ENG: variants seen among roughly 807,000 people sequenced by gnomAD.
The protein encoded by ENG is endoglin.
In ENG, 17 loss-of-function variants were observed where a neutral mutation model predicts 71.0. The ratio of observed to expected loss-of-function variants is 0.24; its 90% CI spans 0.16 to 0.36. The LOEUF is 0.36. ENG is among the 10% of genes least tolerant of loss of function. The pLI, the probability that ENG is intolerant of heterozygous loss-of-function variation, is 1.00. For missense variants in ENG, 749 were observed against 868.3 expected, an observed-to-expected ratio of 0.86 and a Z score of 1.73; for synonymous variants, 360 against 366.9, an observed-to-expected ratio of 0.98 and a Z score of 0.21.
Position 127,819,366 on chromosome 9 carries a change from C to T in ENG, c.1311+256G>A, listed in dbSNP as rs1279123118. On this transcript the variant is annotated intron_variant, in intron 10 of 14. Transcript: ENST00000373203. ...GGCGCAGAGTCCTTTCTTAGGCCAC[C>T]TTTGGGCCCAGAAAACTAAAGTGAC... The T allele has an allele frequency of 4.0e-5, 21 of 520,104 alleles. No homozygotes were observed. In the East Asian group the frequency reaches 7.1e-4, roughly 18 times the overall value. The allele number at this position is 520,104 out of a possible 1,614,324, so 32.2% of individuals were successfully genotyped here. A position where few individuals can be genotyped will look rare whatever the true frequency, so the allele number is the denominator to read the frequency against.
At chr9:127,824,772 A>T (rs1243061986) in intron 7 of ENG, 28 bp downstream of exon 7, 1 of 1,188,458 alleles carries the variant, frequency 8.4e-7, no homozygotes, top group Non-Finnish European at 1.1e-6. Context: ...AGGGGAAGGG[A>T]AGGGAGGGGC....
chr9:127,827,933 T>A lies in ENG; in HGVS notation c.361-1261A>T, dbSNP rs142085344. Among the ~76,000 whole-genome samples, 687 of 144,938 alleles carry A rather than the reference T, an allele frequency of 4.7e-3. 29 individuals are homozygous for A. In the East Asian group the frequency reaches 0.11, roughly 22 times the overall value. ...ACTCGGGAGGCTGAGGCAGGAGAAT[T>A]ACTTGAACCCAGAAGGCGAAGGTTG... On this transcript the variant is annotated intron_variant, in intron 3 of 14. Coordinates refer to ENST00000373203, the MANE Select transcript of ENG (RefSeq NM_001114753.3).
intron 1 of ENG, among the ~76,000 whole-genome samples, chr9:127,852,748 G>A (rs2131934156): frequency 6.6e-6 from 1 of 152,254 alleles, no homozygotes; most frequent in Middle Eastern, 3.4e-3. Flanking sequence ...AACTTGGTGA[G>A]TTGGTGGCTT....
intron 2 of ENG, among the ~76,000 whole-genome samples, chr9:127,842,801 G>A (rs907794015): frequency 6.6e-6 from 1 of 151,704 alleles, no homozygotes; most frequent in South Asian, 2.1e-4. Context: ...TCCATCATTG[G>A]AGGTGCATAA....
chr9:127,845,037 C>T (rs1418057913), intron 1 of ENG, among the ~76,000 whole-genome samples: 1 of 152,226 alleles, frequency 6.6e-6, no homozygotes, highest in African/African-American at 2.4e-5. Context: ...AAATGAGGCT[C>T]CTACACCTCG....
intron 1 of ENG, 83 bp downstream of exon 1, chr9:127,854,206 A>G: frequency 7.0e-7 from 1 of 1,424,684 alleles, no homozygotes; most frequent in Non-Finnish European, 9.7e-7. Context: ...AGCTCAGGAT[A>G]CAGGAAGGAG....
intron 2 of ENG, among the ~76,000 whole-genome samples, chr9:127,835,061 G>T (rs1830864553): frequency 6.6e-6 from 1 of 151,680 alleles, no homozygotes; most frequent in Non-Finnish European, 1.5e-5. Flanking sequence ...GAGTACAGTG[G>T]CGTGATTGCT....
chr9:127,845,643 A>G (rs1277183589), intron 1 of ENG, among the ~76,000 whole-genome samples: 2 of 152,210 alleles, frequency 1.3e-5, no homozygotes, highest in African/African-American at 2.4e-5. Context: ...CAGAGCCCAC[A>G]TGATCCACAG....
At position 127,854,547 on chromosome 9, in the gene ENG, G is replaced by T; in HGVS notation, c.-192C>A. ...GGAGAAGTGGACACAGGGACGCGGGGCTGGGCTGGAGTTGCTGTCCGAAGG... is the reference window on the plus strand; with the variant it reads ...GGAGAAGTGGACACAGGGACGCGGGTCTGGGCTGGAGTTGCTGTCCGAAGG... On this transcript the variant is annotated 5_prime_UTR_variant, in exon 1 of 15. Coordinates refer to ENST00000373203, the MANE Select transcript of ENG (RefSeq NM_001114753.3). 3.3e-6 allele frequency: 2 copies of T among 599,474 alleles called. No homozygotes were observed. Among genetic ancestry groups the T allele is most frequent in the Non-Finnish European group, 5.8e-6 (2 of 344,458 alleles). 37.1% of individuals were successfully genotyped at this position (599,474 alleles called of 1,614,324 possible). A position where few individuals can be genotyped will look rare whatever the true frequency, so the allele number is the denominator to read the frequency against.
intron 11 of ENG, 83 bp downstream of exon 11, chr9:127,818,633 C>T (rs2131876642): frequency 6.6e-7 from 1 of 1,505,798 alleles, no homozygotes; most frequent in Non-Finnish European, 9.2e-7. Context: ...AGTCTCATCT[C>T]CTCTGGAGTC....
chr9:127,824,512 CTTTTTTTT>C lies in ENG; in HGVS notation c.992-74_992-67del, dbSNP rs71380096. ...GTGATCACTGTGTGCCCGCACCAGG[CTTTTTTTT>C]TTTTTTTTTTTTTTTTGAGACGGAG... On this transcript the variant is annotated intron_variant, in intron 7 of 14. Coordinates refer to ENST00000373203, the MANE Select transcript of ENG (RefSeq NM_001114753.3). 291 of 685,674 alleles carry C rather than the reference CTTTTTTTT, an allele frequency of 4.2e-4. No individual in the cohort carries two copies. In the African/African-American group the frequency reaches 5.7e-3, roughly 13 times the overall value. The allele number at this position is 685,674 out of a possible 1,614,324, so 42.5% of individuals were successfully genotyped here. A position where few individuals can be genotyped will look rare whatever the true frequency, so the allele number is the denominator to read the frequency against.
intron 1 of ENG, among the ~76,000 whole-genome samples, chr9:127,845,458 C>T (rs1831146104): frequency 6.6e-6 from 1 of 152,250 alleles, no homozygotes; most frequent in Non-Finnish European, 1.5e-5. Context: ...TGACCCTATC[C>T]TACATGTCCC....
chr9:127,818,496 GAA>G, intron 11 of ENG, 119 bp from the exon 12 acceptor site: 2 of 1,538,758 alleles, frequency 1.3e-6, no homozygotes, highest in Non-Finnish European at 1.8e-6. Flanking sequence ...ACAGTGGAAA[GAA>G]AGACATGGAC....
At chr9:127,823,476 C>G (rs1469870553) in intron 8 of ENG, among the ~76,000 whole-genome samples, 1 of 151,022 alleles carries the variant, frequency 6.6e-6, no homozygotes, top group East Asian at 1.9e-4. Context: ...GCAAGCTCTG[C>G]CTCCCGGGTT....
intron 8 of ENG, 99 bp from the exon 9 acceptor site, chr9:127,820,136 T>A (rs1399717218): frequency 5.0e-5 from 74 of 1,476,670 alleles, no homozygotes; most frequent in Non-Finnish European, 6.6e-5. Flanking sequence ...GGGTCCCAAG[T>A]CACAGCCATT....
chr9:127,833,414 G>A (rs189861973), intron 2 of ENG, among the ~76,000 whole-genome samples: 2 of 151,632 alleles, frequency 1.3e-5, no homozygotes, highest in African/African-American at 4.8e-5. Context: ...CCAGCTACTC[G>A]GGAGGCTGAG....
rs1830591548 is a variant in ENG at position 127,825,607 on chromosome 9, T to TA, written c.689+87dup. The TA allele has an allele frequency of 7.7e-6, 9 of 1,168,990 alleles. No homozygotes were observed. In the South Asian group the frequency reaches 1.4e-4, roughly 18 times the overall value. 72.4% of individuals were successfully genotyped at this position (1,168,990 alleles called of 1,614,324 possible). ...TGGGGCTGGGACTGGGGTGGGGCTT[T>TA]ATAAGGGACCGGAGAGGGGGCGGGG... On this transcript the variant is annotated intron_variant, in intron 5 of 14. Coordinates refer to ENST00000373203, the MANE Select transcript of ENG (RefSeq NM_001114753.3).
chr9:127,834,158 C>T (rs959775718), intron 2 of ENG, among the ~76,000 whole-genome samples: 14 of 152,168 alleles, frequency 9.2e-5, no homozygotes, highest in Non-Finnish European at 1.6e-4. Flanking sequence ...CTGCCACCTC[C>T]GCCTCCTGGG....
chr9:127,819,812 A>G (rs1231512419), intron 9 of ENG, 88 bp downstream of exon 9: 15 of 1,612,536 alleles, frequency 9.3e-6, no homozygotes, highest in African/African-American at 1.3e-5. Context: ...GCTCTCCCAA[A>G]CACACCTCCA....
Sources: allele counts gnomAD v4.1 joint callset (sites outside exome capture counted in the v4.1 genomes callset), GRCh38; gene constraint gnomAD v4.1.1; transcripts MANE v1.5; gene names NCBI Gene and HGNC (gene_info 2026-07-23, HGNC 2026-07-21).